Variants in TOGARAM1 observed in about 807,000 individuals in gnomAD.
TOGARAM1 encodes the protein TOG array regulator of axonemal microtubules protein 1.
TOGARAM1 carries 100 observed loss-of-function variants against 166.6 expected under a neutral mutation model. The observed-to-expected ratio is 0.60, with a 90% confidence interval of 0.51 to 0.71. The LOEUF (loss-of-function observed/expected upper bound fraction) is 0.71, where lower values mean the gene tolerates loss of function less well. Ranked by LOEUF, TOGARAM1 falls within the 30% of genes least tolerant of loss-of-function variation. The pLI is 0.00. For synonymous variants in TOGARAM1, 758 were observed against 763.8 expected (o/e 0.99, Z 0.13); for missense variants, 2,029 against 2,102.7 (o/e 0.96, Z 0.69).
At chr14:45,029,412 A>C (rs1881035671) in intron 10 of TOGARAM1, among the ~76,000 whole-genome samples, 1 of 152,184 alleles carries the variant, frequency 6.6e-6, no homozygotes, top group African/African-American at 2.4e-5. Flanking sequence ...TTTGCCTACA[A>C]TGTAGGCTTT....
intron 1 of TOGARAM1, among the ~76,000 whole-genome samples, chr14:44,992,072 T>TAAAAAAAA (rs71108676): frequency 5.3e-5 from 2 of 37,962 alleles, no homozygotes; most frequent in African/African-American, 8.4e-5. Flanking sequence ...CCCTGTCTGT[T>TAAAAAAAA]AAAAAAAAAA....
Position 44,962,693 on chromosome 14 carries a change from G to T in TOGARAM1, c.272G>T (p.Gly91Val). Residue 91 changes from glycine (G) to valine (V), a missense_variant, in exon 1 of 20, where the codon GGG becomes GTG. Physicochemically the swap from Gly to Val is moderately radical, Grantham distance 109 (BLOSUM62 -3). This residue lies in a region of TOGARAM1 where 1,453 missense variants were observed against 1,432.2 expected (regional missense o/e 1.01). Transcript: ENST00000361462. The stretch of plus-strand genomic sequence containing the variant: ...TCTGAGTCTGGAGGCGGTTTGTCAG[G>T]GGGAGATGAAGAGGACACTCGGCTC... ...SWSESGGGLS[G>V]GDEEDTRLLQ... is the part of the protein sequence containing the mutation. 1.2e-6 allele frequency: 2 copies of T among 1,614,184 alleles called. No individual in the cohort carries two copies. Among genetic ancestry groups the T allele is most frequent in the East Asian group, 4.5e-5 (2 of 44,866 alleles).
chr14:44,988,250 A>T (rs541907777), intron 1 of TOGARAM1, among the ~76,000 whole-genome samples: 11 of 152,332 alleles, frequency 7.2e-5, no homozygotes, highest in African/African-American at 2.6e-4. Context: ...AACTTAAAGT[A>T]TAAAAAAAAA....
intron 8 of TOGARAM1, 46 bp downstream of exon 8, chr14:45,025,918 T>C (rs1880813939): frequency 5.1e-6 from 5 of 984,926 alleles, no homozygotes; most frequent in Non-Finnish European, 8.0e-6. Context: ...ATTCATCATA[T>C]AGAAGCAAAG....
rs773727693 is a variant in TOGARAM1 at position 45,004,098 on chromosome 14, AAC to A, written c.2378_2379del (p.Thr793IlefsTer3). Reference sequence around the variant, plus strand: ...TCAATTTTGGCAGTAAGACACAGCAAACATTTGGTAGTCAAACAGAGTGTACT... The same window carrying A: ...TCAATTTTGGCAGTAAGACACAGCAAATTTGGTAGTCAAACAGAGTGTACT... ...SLNFGSKTQQTFGSQTECTSS... is the reference protein window; with the variant it reads ...SLNFGSKTQQXFGSQTECTSS... On this transcript the variant is annotated frameshift_variant, in exon 4 of 20. Coordinates refer to ENST00000361462, the MANE Select transcript of TOGARAM1 (RefSeq NM_001308120.2). LOFTEE classifies it high-confidence loss of function. 1.2e-6 allele frequency: 2 copies of A among 1,614,100 alleles called. No homozygotes were observed. Among genetic ancestry groups the A allele is most frequent in the Non-Finnish European group, 1.7e-6 (2 of 1,179,998 alleles).
chr14:45,056,352 C>A (rs539604759), intron 16 of TOGARAM1, among the ~76,000 whole-genome samples: 2 of 151,892 alleles, frequency 1.3e-5, no homozygotes, highest in African/African-American at 4.8e-5. Context: ...CAGTTGGGTG[C>A]CTTTTATTTT....
At chr14:45,029,220 T>A (rs1881026937) in intron 10 of TOGARAM1, among the ~76,000 whole-genome samples, 1 of 152,204 alleles carries the variant, frequency 6.6e-6, no homozygotes, top group South Asian at 2.1e-4. Flanking sequence ...TTTAAGCCTC[T>A]TAGCATTCTC....
chr14:45,012,590 A>G (rs1034269067), intron 7 of TOGARAM1, among the ~76,000 whole-genome samples: 18 of 152,220 alleles, frequency 1.2e-4, no homozygotes, highest in Admixed American at 5.9e-4. Context: ...TTAGTAGTCA[A>G]TTAGAAAAAG....
At chr14:45,062,679 A>G (rs564047224) in intron 16 of TOGARAM1, among the ~76,000 whole-genome samples, 14 of 152,334 alleles carry the variant, frequency 9.2e-5, no homozygotes, top group Non-Finnish European at 1.9e-4. Context: ...CACTTTCAGT[A>G]TAATATTCAA....
chr14:45,039,518 C>T (rs1881615249), intron 11 of TOGARAM1, among the ~76,000 whole-genome samples: 1 of 152,130 alleles, frequency 6.6e-6, no homozygotes, highest in South Asian at 2.1e-4. Flanking sequence ...CCACACCAAG[C>T]TGCTCTTAGC....
intron 1 of TOGARAM1, among the ~76,000 whole-genome samples, chr14:44,982,324 A>T (rs1357955273): frequency 6.6e-6 from 1 of 152,188 alleles, no homozygotes; most frequent in African/African-American, 2.4e-5. Context: ...TTACAGATTG[A>T]TAACCAGATT....
At chr14:45,069,113 A>G (rs1883265539) in intron 18 of TOGARAM1, among the ~76,000 whole-genome samples, 1 of 152,154 alleles carries the variant, frequency 6.6e-6, no homozygotes, top group Admixed American at 6.5e-5. Flanking sequence ...CTATAATCTC[A>G]GCCCTTTGGG....
intron 14 of TOGARAM1, among the ~76,000 whole-genome samples, chr14:45,047,957 G>A (rs1882158434): frequency 6.6e-6 from 1 of 151,476 alleles, no homozygotes; most frequent in Non-Finnish European, 1.5e-5. Context: ...CCAGGAGGCT[G>A]AAGCAGGAGA....
intron 1 of TOGARAM1, among the ~76,000 whole-genome samples, chr14:44,989,142 A>G (rs918586447): frequency 1.3e-5 from 2 of 152,206 alleles, no homozygotes; most frequent in Non-Finnish European, 2.9e-5. Context: ...CAAAAATTTG[A>G]TAAGACACTT....
At chr14:45,049,835 A>T (rs1882273620) in intron 14 of TOGARAM1, among the ~76,000 whole-genome samples, 1 of 146,258 alleles carries the variant, frequency 6.8e-6, no homozygotes. Context: ...TCACCTTGTT[A>T]AAAAAAAAAA....
intron 19 of TOGARAM1, among the ~76,000 whole-genome samples, chr14:45,072,351 G>A (rs1255818972): frequency 6.6e-6 from 1 of 152,026 alleles, no homozygotes; most frequent in Non-Finnish European, 1.5e-5. Context: ...TAGCACCACA[G>A]CCTTGAAGTA....
At chr14:45,038,082 T>A (rs911745528) in intron 11 of TOGARAM1, among the ~76,000 whole-genome samples, 1 of 152,118 alleles carries the variant, frequency 6.6e-6, no homozygotes, top group South Asian at 2.1e-4. Context: ...TTTGTATGTA[T>A]TTTTAGTAGA....
intron 18 of TOGARAM1, among the ~76,000 whole-genome samples, chr14:45,071,169 C>G (rs1464965318): frequency 2.6e-5 from 4 of 152,142 alleles, no homozygotes; most frequent in African/African-American, 9.7e-5. Context: ...ATCTGCCCAC[C>G]TTGGCCTCCC....
At chr14:45,051,091 AC>A (rs1471672814) in intron 14 of TOGARAM1, among the ~76,000 whole-genome samples, 1 of 152,144 alleles carries the variant, frequency 6.6e-6, no homozygotes, top group East Asian at 1.9e-4. Flanking sequence ...CTGAATTTCC[AC>A]CATTAGAATC....
Sources: gnomAD v4.1 joint callset for allele counts (sites outside exome capture counted in the v4.1 genomes callset) on GRCh38, gnomAD v4.1.1 for gene constraint, gnomAD v4.1.1 regional missense constraint, MANE v1.5 for transcripts, NCBI Gene and HGNC (gene_info 2026-07-23, HGNC 2026-07-21) for gene names.